Variants in DKKL1 observed in about 807,000 individuals in gnomAD.
DKKL1 encodes dickkopf like acrosomal protein 1.
DKKL1 carries 11 observed loss-of-function variants against 16.5 expected under a neutral mutation model. The observed-to-expected ratio is 0.67, with a 90% confidence interval of 0.42 to 1.10. The LOEUF (loss-of-function observed/expected upper bound fraction) is 1.10, where lower values mean the gene tolerates loss of function less well. DKKL1 is among the 50% of genes least tolerant of loss of function. The pLI, the probability that DKKL1 is intolerant of heterozygous loss-of-function variation, is 0.00. For missense variants in DKKL1, 320 were observed against 308.1 expected (o/e 1.04, Z -0.29); for synonymous variants, 119 against 133.2 (o/e 0.89, Z 0.73).
chr19:49,373,996 T>C (rs1243913997), intron 4 of DKKL1, among the ~76,000 whole-genome samples: 2 of 151,908 alleles, frequency 1.3e-5, no homozygotes, highest in Admixed American at 1.3e-4. Flanking sequence ...TTTTTTTTTT[T>C]TCCCTTGAGA....
At chr19:49,366,009 C>A in intron 4 of DKKL1, 124 bp downstream of exon 4, 1 of 808,240 alleles carries the variant, frequency 1.2e-6, no homozygotes, top group Non-Finnish European at 1.9e-6. Flanking sequence ...CTCACTGCAA[C>A]CTCCGCCTCC....
chr19:49,365,858 G>A lies in DKKL1; in HGVS notation c.390G>A (p.Ala130=), dbSNP rs369756997. The change falls in exon 4 of 5, where the codon GCG becomes GCA. Residue 130 remains alanine (A), a synonymous_variant. Coordinates refer to ENST00000221498, the MANE Select transcript of DKKL1 (RefSeq NM_014419.4). The part of the protein sequence containing the change: ...SENVVASIQP[A]EGSFEGDLKV... ...ATGTGGTGGCATCCATTCAACCAGC[G>A]GAGGGGAGCTTCGAGGGTGATTTGA... The A allele has an allele frequency of 7.5e-5, 121 of 1,614,116 alleles. No individual in the cohort carries two copies. The highest frequency in any genetic ancestry group is 6.6e-4 in the Middle Eastern group (4 of 6,062).
At chr19:49,372,751 C>T (rs1363500099) in intron 4 of DKKL1, among the ~76,000 whole-genome samples, 1 of 151,768 alleles carries the variant, frequency 6.6e-6, no homozygotes, top group Non-Finnish European at 1.5e-5. Context: ...CCTATAATCC[C>T]AGCACTTTGG....
At chr19:49,366,703 TG>T (rs1309683773) in intron 4 of DKKL1, among the ~76,000 whole-genome samples, 8 of 129,678 alleles carry the variant, frequency 6.2e-5, no homozygotes, top group East Asian at 4.4e-4. Flanking sequence ...TTTTTTTGTT[TG>T]TTTTTTTGGT....
chr19:49,372,185 G>A (rs1304826816), intron 4 of DKKL1, among the ~76,000 whole-genome samples: 4 of 152,100 alleles, frequency 2.6e-5, no homozygotes, highest in Admixed American at 6.6e-5. Context: ...TTGGCATGTG[G>A]GGCTGGATAA....
chr19:49,366,141 G>C (rs1039190962), intron 4 of DKKL1, among the ~76,000 whole-genome samples: 1 of 152,106 alleles, frequency 6.6e-6, no homozygotes, highest in South Asian at 2.1e-4. Flanking sequence ...ATGTTGGTCA[G>C]GCTGGTCTTG....
chr19:49,368,111 G>A (rs1054289486), intron 4 of DKKL1, among the ~76,000 whole-genome samples: 8 of 152,110 alleles, frequency 5.3e-5, no homozygotes, highest in African/African-American at 1.4e-4. Flanking sequence ...TCAGGAGTTC[G>A]AGACCAGCCT....
intron 4 of DKKL1, among the ~76,000 whole-genome samples, chr19:49,367,396 C>T (rs1490303927): frequency 6.7e-6 from 1 of 149,086 alleles, no homozygotes; most frequent in Non-Finnish European, 1.5e-5. Context: ...TGTATTTCAC[C>T]TTTGGTAAAC....
Position 49,365,644 on chromosome 19 carries a change from G to C in DKKL1, c.319G>C (p.Asp107His), listed in dbSNP as rs146176366. 6.2e-6 allele frequency: 10 copies of C among 1,611,562 alleles called. No homozygotes were observed. In the African/African-American group the frequency reaches 1.2e-4, roughly 19 times the overall value. ...NNTLSSHLQI[D>H]KMTDNKTGEV... ...CACCCTCTCCAGCCACCTCCAGATC[G>C]ACAAGGTGCCTATGCAGGGAAGCCC... The change falls in exon 3 of 5, where the codon GAC (aspartate) becomes CAC (histidine). Residue 107 changes from aspartate (D) to histidine (H), a missense_variant. Coordinates refer to ENST00000221498, the MANE Select transcript of DKKL1 (RefSeq NM_014419.4).
Position 49,363,978 on chromosome 19 carries a change from G to A in DKKL1, c.-21G>A. On this transcript the variant is annotated 5_prime_UTR_variant, in exon 1 of 5. Transcript: ENST00000221498. Reference sequence around the variant, plus strand: ...GGCTGTGGTCTAGCATAAAGGCGGAGCCCAGAAGAAGGGGCGGGGTATGGG... The same window carrying A: ...GGCTGTGGTCTAGCATAAAGGCGGAACCCAGAAGAAGGGGCGGGGTATGGG... 1 of 1,613,134 alleles carries A rather than the reference G, an allele frequency of 6.2e-7. No individual in the cohort carries two copies. The highest frequency in any genetic ancestry group is 8.5e-7 in the Non-Finnish European group (1 of 1,179,544).
Position 49,363,915 on chromosome 19 carries a change from G to GT in DKKL1, c.-83dup. ...AGACCATAACTGTTTGGCTTTAACAGTACGTGGGCGGCCGGAATCCGGGAG... is the reference window on the plus strand; with the variant it reads ...AGACCATAACTGTTTGGCTTTAACAGTTACGTGGGCGGCCGGAATCCGGGAG... On this transcript the variant is annotated 5_prime_UTR_variant, in exon 1 of 5. Transcript: ENST00000221498. 1.9e-6 allele frequency: 3 copies of GT among 1,577,772 alleles called. No homozygotes were observed. The African/African-American group carries it at 4.0e-5, about 21-fold the overall frequency.
At chr19:49,367,119 G>A (rs138016846) in intron 4 of DKKL1, among the ~76,000 whole-genome samples, 1 of 151,432 alleles carries the variant, frequency 6.6e-6, no homozygotes, top group East Asian at 2.0e-4. Flanking sequence ...CTCCGCCACT[G>A]AGGTTCAAGT....
At chr19:49,374,029 G>T (rs1298077226) in intron 4 of DKKL1, among the ~76,000 whole-genome samples, 2 of 151,670 alleles carry the variant, frequency 1.3e-5, no homozygotes, top group African/African-American at 4.9e-5. Flanking sequence ...CTGTCACCCA[G>T]GCTGGAGTGC....
intron 4 of DKKL1, among the ~76,000 whole-genome samples, chr19:49,372,656 TGCACTCCAGCCTG>T (rs1205192431): frequency 1.4e-5 from 2 of 146,956 alleles, no homozygotes; most frequent in Non-Finnish European, 3.0e-5. Flanking sequence ...ATCGTGCCAC[TGCACTCCAGCCTG>T]GGCGACAGAG....
chr19:49,372,817 C>T (rs1973554739), intron 4 of DKKL1, among the ~76,000 whole-genome samples: 1 of 151,334 alleles, frequency 6.6e-6, no homozygotes, highest in Admixed American at 6.6e-5. Flanking sequence ...CCCTGACCAA[C>T]ATGGAGAAAC....
intron 4 of DKKL1, among the ~76,000 whole-genome samples, chr19:49,372,693 CA>C (rs1228752175): frequency 0.043 from 4,960 of 115,852 alleles, 238 homozygotes; most frequent in African/African-American, 0.14. Flanking sequence ...GACTCCGTCT[CA>C]AAAAAAAAAA....
Position 49,374,891 on chromosome 19 carries a change from C to T in DKKL1, c.592C>T (p.Gln198Ter). 6.2e-7 allele frequency: 1 copy of T among 1,614,076 alleles called. No individual in the cohort carries two copies. The highest frequency in any genetic ancestry group is 8.5e-7 in the Non-Finnish European group (1 of 1,179,992). Residue 198 changes from glutamine to a stop codon, truncating the protein, a stop_gained, in exon 5 of 5, where the codon CAG (glutamine) becomes TAG (stop). Coordinates refer to ENST00000221498, the MANE Select transcript of DKKL1 (RefSeq NM_014419.4). LOFTEE classifies it low-confidence loss of function (END_TRUNC). ...GCTCAGCGAGAAGCGACACCGCCTG[C>T]AGGCCATCCGGGATGGACTCCGCAA... ...HWLSEKRHRL[Q>*]AIRDGLRKGT...
rs1214174297 is a variant in DKKL1, at chr19:49,370,764, C to CATTACA, written c.418-3953_418-3952insATTACA. On this transcript the variant is annotated intron_variant, in intron 4 of 4. Transcript: ENST00000221498. ...AGGCCCCATGTAATGTGAAGGCACC[C>CATTACA]TAGGGAGTCCAGGTAAATGATTTCA... 18 of 152,104 alleles carry CATTACA rather than the reference C, an allele frequency of 1.2e-4. No individual in the cohort carries two copies. In the East Asian group the frequency reaches 3.1e-3, roughly 26 times the overall value. The allele number at this position is 152,104 out of a possible 1,614,324, so 9.4% of individuals were successfully genotyped here. A position where few individuals can be genotyped will look rare whatever the true frequency, so the allele number is the denominator to read the frequency against.
chr19:49,367,514 C>T (rs1308659104), intron 4 of DKKL1, among the ~76,000 whole-genome samples: 1 of 150,452 alleles, frequency 6.6e-6, no homozygotes, highest in Non-Finnish European at 1.5e-5. Context: ...TCAAGTGATT[C>T]TCCTGCCTCA....
Sources: allele counts gnomAD v4.1 joint callset (sites outside exome capture counted in the v4.1 genomes callset), GRCh38; gene constraint gnomAD v4.1.1; transcripts MANE v1.5; gene names NCBI Gene and HGNC (gene_info 2026-07-23, HGNC 2026-07-21).